The following NXPH2 variants were observed in gnomAD, a reference collection of about 807,000 sequenced individuals.
The protein encoded by NXPH2 is neurexophilin-2.
In NXPH2, 5 loss-of-function variants were observed where a neutral mutation model predicts 19.8. That is an observed-to-expected ratio of 0.25 (90% CI 0.13 to 0.53). The LOEUF is 0.53. NXPH2 is among the 20% of genes least tolerant of loss of function. The probability of loss-of-function intolerance (pLI) is 0.96; values close to 1 mark genes in which losing one functional copy is unlikely to be tolerated. For synonymous variants in NXPH2, 154 were observed against 127.4 expected, an observed-to-expected ratio of 1.21 and a Z score of -1.41; for missense variants, 289 against 322.8, an observed-to-expected ratio of 0.90 and a Z score of 0.80.
At chr2:138,769,966 T>C (rs1682150936) in intron 1 of NXPH2, among the ~76,000 whole-genome samples, 1 of 152,178 alleles carries the variant, frequency 6.6e-6, no homozygotes, top group Non-Finnish European at 1.5e-5. Flanking sequence ...AAATTAAGGT[T>C]ATAGTATATA....
intron 1 of NXPH2, among the ~76,000 whole-genome samples, chr2:138,771,518 C>A (rs1289393581): frequency 6.6e-6 from 1 of 151,968 alleles, no homozygotes; most frequent in East Asian, 1.9e-4. Context: ...ATGGAGTTCC[C>A]CAGAAGGACA....
chr2:138,718,966 G>A (rs908045786), intron 1 of NXPH2, among the ~76,000 whole-genome samples: 3 of 152,076 alleles, frequency 2.0e-5, no homozygotes, highest in Admixed American at 6.6e-5. Context: ...AAGTTGGGGG[G>A]TGGGGGAGGA....
chr2:138,708,515 T>C (rs1681051861), intron 1 of NXPH2, among the ~76,000 whole-genome samples: 1 of 152,254 alleles, frequency 6.6e-6, no homozygotes, highest in South Asian at 2.1e-4. Context: ...CCAGCTCATT[T>C]AGCAATTTGA....
At chr2:138,770,561 T>C (rs560829574) in intron 1 of NXPH2, among the ~76,000 whole-genome samples, 77 of 152,124 alleles carry the variant, frequency 5.1e-4, no homozygotes, top group African/African-American at 1.8e-3. Context: ...GATGATATGA[T>C]TGTCTAGACA....
At chr2:138,699,268 T>TA (rs1255697054) in intron 1 of NXPH2, among the ~76,000 whole-genome samples, 1 of 151,856 alleles carries the variant, frequency 6.6e-6, no homozygotes, top group Non-Finnish European at 1.5e-5. Context: ...GCAGAACAAA[T>TA]AAAAGTGTCT....
intron 1 of NXPH2, among the ~76,000 whole-genome samples, chr2:138,732,525 G>T (rs759781541): frequency 5.9e-5 from 9 of 152,178 alleles, no homozygotes; most frequent in Non-Finnish European, 1.3e-4. Context: ...TTCCAAGTAA[G>T]GTGAGATTTC....
intron 1 of NXPH2, among the ~76,000 whole-genome samples, chr2:138,730,520 G>C (rs1681431747): frequency 6.6e-6 from 1 of 152,030 alleles, no homozygotes; most frequent in Non-Finnish European, 1.5e-5. Flanking sequence ...TTACTCTTGA[G>C]GCCCTGAGCT....
Position 138,670,919 on chromosome 2 carries a change from A to G in NXPH2, c.*3T>C, listed in dbSNP as rs1289518027. The G allele has an allele frequency of 6.2e-7, 1 of 1,608,918 alleles. No homozygotes were observed. The highest frequency in any genetic ancestry group is 2.2e-5 in the East Asian group (1 of 44,800). ...ATCCCTCATTTCCACCACAGCAGGAAGATCAGCCAGAAGATAAGTATGGGG... is the reference window on the plus strand; with the variant it reads ...ATCCCTCATTTCCACCACAGCAGGAGGATCAGCCAGAAGATAAGTATGGGG... On this transcript the variant is annotated 3_prime_UTR_variant, in exon 2 of 2. Coordinates refer to ENST00000272641, the MANE Select transcript of NXPH2 (RefSeq NM_007226.3).
intron 1 of NXPH2, among the ~76,000 whole-genome samples, chr2:138,694,599 C>T (rs1680800127): frequency 3.3e-5 from 5 of 152,260 alleles, no homozygotes; most frequent in Admixed American, 2.6e-4. Flanking sequence ...CCTGCCAACA[C>T]CTGGATTTCA....
intron 1 of NXPH2, 38 bp downstream of exon 1, chr2:138,780,152 TC>T (rs1204499990): frequency 1.4e-6 from 2 of 1,470,476 alleles, no homozygotes; most frequent in East Asian, 3.0e-5. Flanking sequence ...CCGAAACGCG[TC>T]CCCGGCGTGT....
intron 1 of NXPH2, among the ~76,000 whole-genome samples, chr2:138,712,371 AG>A (rs1681118566): frequency 1.3e-5 from 2 of 152,200 alleles, no homozygotes. Flanking sequence ...TCTGTCACAG[AG>A]GCTGAACTGC....
Position 138,670,193 on chromosome 2 carries a change from A to G in NXPH2, c.*729T>C, listed in dbSNP as rs1680393366. Reference sequence around the variant, plus strand: ...ATCAGAAGAGTCTAAAAACATCATGATTTTTGTTATCGTTCAACAAACTTA... The same window carrying G: ...ATCAGAAGAGTCTAAAAACATCATGGTTTTTGTTATCGTTCAACAAACTTA... On this transcript the variant is annotated 3_prime_UTR_variant, in exon 2 of 2. Coordinates refer to ENST00000272641, the MANE Select transcript of NXPH2 (RefSeq NM_007226.3). 6.6e-6 allele frequency among the ~76,000 whole-genome samples: 1 copy of G among 152,150 alleles called. No homozygotes were observed. The highest frequency in any genetic ancestry group is 1.5e-5 in the Non-Finnish European group (1 of 68,014).
rs115095029 is a variant in NXPH2 at position 138,776,748 on chromosome 2, G to C, written c.51+3443C>G. Among the ~76,000 whole-genome samples the C allele has an allele frequency of 4.2e-3, 637 of 151,808 alleles. 2 individuals are homozygous for C. Among genetic ancestry groups the C allele is most frequent in the African/African-American group, 0.014 (593 of 41,440 alleles). Reference sequence around the variant, plus strand: ...AGTTGTCATTTTTGAATGGAAGATAGTAAAGAGTTATCAATTCTTGTAAGT... The same window carrying C: ...AGTTGTCATTTTTGAATGGAAGATACTAAAGAGTTATCAATTCTTGTAAGT... On this transcript the variant is annotated intron_variant, in intron 1 of 1. Coordinates refer to ENST00000272641, the MANE Select transcript of NXPH2 (RefSeq NM_007226.3).
At chr2:138,717,777 T>A (rs1247967534) in intron 1 of NXPH2, among the ~76,000 whole-genome samples, 1 of 152,146 alleles carries the variant, frequency 6.6e-6, no homozygotes, top group Non-Finnish European at 1.5e-5. Context: ...AATAGAAATG[T>A]GAGGAATCAA....
intron 1 of NXPH2, among the ~76,000 whole-genome samples, chr2:138,766,388 A>G (rs971909369): frequency 6.6e-6 from 1 of 152,142 alleles, no homozygotes; most frequent in Non-Finnish European, 1.5e-5. Flanking sequence ...CCAGGTCTCA[A>G]CTGGGCTGTT....
chr2:138,759,465 C>T (rs1278586085), intron 1 of NXPH2, among the ~76,000 whole-genome samples: 2 of 152,036 alleles, frequency 1.3e-5, no homozygotes, highest in Non-Finnish European at 2.9e-5. Flanking sequence ...AGGATGGCTG[C>T]TGCACCCCCT....
chr2:138,700,655 C>A (rs2104981684), intron 1 of NXPH2, among the ~76,000 whole-genome samples: 1 of 152,130 alleles, frequency 6.6e-6, no homozygotes, highest in Non-Finnish European at 1.5e-5. Flanking sequence ...CCTTCCCCCT[C>A]GTGCAAGACA....
chr2:138,736,522 G>A (rs991018113), intron 1 of NXPH2, among the ~76,000 whole-genome samples: 1 of 152,170 alleles, frequency 6.6e-6, no homozygotes. Flanking sequence ...GGGTCTCCTG[G>A]TCCAGCCCAT....
intron 1 of NXPH2, among the ~76,000 whole-genome samples, chr2:138,737,409 T>G (rs1421475917): frequency 6.6e-6 from 1 of 152,166 alleles, no homozygotes; most frequent in Non-Finnish European, 1.5e-5. Flanking sequence ...CTTGTGAGAC[T>G]TATTCACTAT....
Sources: allele counts gnomAD v4.1 joint callset (sites outside exome capture counted in the v4.1 genomes callset), GRCh38; gene constraint gnomAD v4.1.1; transcripts MANE v1.5; gene names NCBI Gene and HGNC (gene_info 2026-07-23, HGNC 2026-07-21).